Variants in GPC6 observed in about 807,000 individuals in gnomAD.
The protein encoded by GPC6 is glypican 6.
GPC6 carries 14 observed loss-of-function variants against 55.2 expected under a neutral mutation model. The ratio of observed to expected loss-of-function variants is 0.25; its 90% CI spans 0.17 to 0.40. GPC6 has a LOEUF of 0.40. Ranked by LOEUF, GPC6 falls within the 10% of genes least tolerant of loss-of-function variation. The pLI, the probability that GPC6 is intolerant of heterozygous loss-of-function variation, is 1.00. For missense variants in GPC6, 641 were observed against 708.5 expected, an observed-to-expected ratio of 0.90 and a Z score of 1.08; for synonymous variants, 278 against 259.6, an observed-to-expected ratio of 1.07 and a Z score of -0.68.
intron 6 of GPC6, among the ~76,000 whole-genome samples, chr13:94,356,316 G>A (rs1223172079): frequency 6.6e-6 from 1 of 152,224 alleles, no homozygotes; most frequent in Non-Finnish European, 1.5e-5. Flanking sequence ...CCAGTAATGG[G>A]ATTGCTGAGT....
At chr13:93,802,391 C>T (rs1366075098) in intron 2 of GPC6, among the ~76,000 whole-genome samples, 3 of 146,064 alleles carry the variant, frequency 2.1e-5, no homozygotes, top group African/African-American at 7.9e-5. Context: ...ATAAAGCACA[C>T]ACAAAAAAAG....
intron 2 of GPC6, among the ~76,000 whole-genome samples, chr13:93,709,425 A>T (rs1882976264): frequency 1.3e-5 from 2 of 151,730 alleles, no homozygotes; most frequent in African/African-American, 4.8e-5. Context: ...TTGCTTTTAA[A>T]GTAGAATTAG....
At chr13:94,364,367 A>ATCT (rs1879198445) in intron 6 of GPC6, among the ~76,000 whole-genome samples, 1 of 152,136 alleles carries the variant, frequency 6.6e-6, no homozygotes, top group Non-Finnish European at 1.5e-5. Flanking sequence ...GGTAAATTGG[A>ATCT]TCTTTAAGGT....
At chr13:94,121,052 A>G (rs1322780064) in intron 4 of GPC6, among the ~76,000 whole-genome samples, 1 of 152,134 alleles carries the variant, frequency 6.6e-6, no homozygotes, top group Non-Finnish European at 1.5e-5. Context: ...AAACACCCAA[A>G]GGAAATGAGG....
rs935167179 is a variant in GPC6 at position 93,669,981 on chromosome 13, G to T, written c.319+124560G>T. Among the ~76,000 whole-genome samples the T allele has an allele frequency of 1.6e-4, 25 of 152,120 alleles. 1 individual carries two copies. Among genetic ancestry groups the T allele is most frequent in the Non-Finnish European group, 4.4e-5 (3 of 68,020 alleles). The stretch of plus-strand genomic sequence containing the variant: ...TTAATTTCAAGGAGGAAGGGTTGTG[G>T]TTACCTGATTTGTTGTTATCAGCTT... On this transcript the variant is annotated intron_variant, in intron 2 of 8. Transcript: ENST00000377047.
chr13:93,556,372 TAGTGTGTGTGTG>T (rs1245581834), intron 2 of GPC6, among the ~76,000 whole-genome samples: 37 of 38,834 alleles, frequency 9.5e-4, no homozygotes, highest in African/African-American at 6.1e-3. Context: ...TGTGGGTAAA[TAGTGTGTGTGTG>T]TGTGTGTGTG....
At chr13:94,067,801 G>A (rs1884583671) in intron 4 of GPC6, among the ~76,000 whole-genome samples, 1 of 152,190 alleles carries the variant, frequency 6.6e-6, no homozygotes, top group African/African-American at 2.4e-5. Context: ...CACCTTAGTG[G>A]TCAAATGGAT....
intron 3 of GPC6, among the ~76,000 whole-genome samples, chr13:94,017,684 G>A (rs1882522011): frequency 6.6e-6 from 1 of 151,718 alleles, no homozygotes; most frequent in Admixed American, 6.6e-5. Context: ...TGTTCTTGTT[G>A]TTTTTATTTT....
At chr13:93,278,010 T>C (rs1263477303) in intron 1 of GPC6, among the ~76,000 whole-genome samples, 2 of 152,192 alleles carry the variant, frequency 1.3e-5, no homozygotes, top group African/African-American at 4.8e-5. Context: ...TTACTATAGT[T>C]CCTGGAAAGA....
At chr13:94,144,036 TG>T (rs1887472314) in intron 4 of GPC6, among the ~76,000 whole-genome samples, 1 of 152,238 alleles carries the variant, frequency 6.6e-6, no homozygotes, top group African/African-American at 2.4e-5. Flanking sequence ...CGTTTGATTT[TG>T]TCCTAATGGT....
At chr13:93,409,130 T>G (rs1876401106) in intron 1 of GPC6, among the ~76,000 whole-genome samples, 1 of 151,494 alleles carries the variant, frequency 6.6e-6, no homozygotes, top group African/African-American at 2.4e-5. Context: ...AGCTGCTTAT[T>G]TATACATCCA....
At chr13:93,683,328 A>G (rs1881926550) in intron 2 of GPC6, among the ~76,000 whole-genome samples, 1 of 151,992 alleles carries the variant, frequency 6.6e-6, no homozygotes, top group Admixed American at 6.6e-5. Flanking sequence ...TTCAAAATTA[A>G]TCTTGTCAAA....
chr13:93,638,733 C>T (rs527592193), intron 2 of GPC6, among the ~76,000 whole-genome samples: 16 of 152,024 alleles, frequency 1.1e-4, no homozygotes, highest in South Asian at 2.1e-4. Flanking sequence ...TATACAAAAA[C>T]GAATAATCAC....
intron 1 of GPC6, among the ~76,000 whole-genome samples, chr13:93,316,090 T>A (rs1335223183): frequency 2.6e-5 from 4 of 152,042 alleles, no homozygotes; most frequent in Non-Finnish European, 5.9e-5. Flanking sequence ...TATAACCAGG[T>A]TTATCTTCTT....
At chr13:93,988,376 T>C (rs1420341875) in intron 3 of GPC6, among the ~76,000 whole-genome samples, 1 of 152,124 alleles carries the variant, frequency 6.6e-6, no homozygotes, top group Non-Finnish European at 1.5e-5. Flanking sequence ...TAATGAAAAA[T>C]GGCACTTCTG....
In GPC6 at chr13:93,884,917, T is replaced by C. The variant is rs190824710; in HGVS notation, c.711+54372T>C. 2.0e-5 allele frequency among the ~76,000 whole-genome samples: 3 copies of C among 152,250 alleles called. No homozygotes were observed. In the East Asian group the frequency reaches 5.8e-4, roughly 29 times the overall value. On this transcript the variant is annotated intron_variant, in intron 3 of 8. Coordinates refer to ENST00000377047, the MANE Select transcript of GPC6 (RefSeq NM_005708.5). ...AGTGAAAAATTCTAGAATATTTTGC[T>C]GCTTTCCATACCTTATCACTCATGC...
At chr13:93,543,221 T>G (rs574661956) in intron 1 of GPC6, among the ~76,000 whole-genome samples, 1 of 152,012 alleles carries the variant, frequency 6.6e-6, no homozygotes, top group Non-Finnish European at 1.5e-5. Context: ...TTATTGAGAG[T>G]TTTTAGCATG....
chr13:93,312,399 C>G (rs1879103007), intron 1 of GPC6, among the ~76,000 whole-genome samples: 1 of 152,078 alleles, frequency 6.6e-6, no homozygotes, highest in Non-Finnish European at 1.5e-5. Flanking sequence ...CTATTGCTTG[C>G]TATTTTGAGT....
chr13:94,166,063 C>A (rs895686028), intron 4 of GPC6, among the ~76,000 whole-genome samples: 1 of 152,092 alleles, frequency 6.6e-6, no homozygotes, highest in Non-Finnish European at 1.5e-5. Flanking sequence ...ACGTTGTACT[C>A]TATGATCTAT....
Sources: gnomAD v4.1 joint callset for allele counts (sites outside exome capture counted in the v4.1 genomes callset) on GRCh38, gnomAD v4.1.1 for gene constraint, MANE v1.5 for transcripts, NCBI Gene and HGNC (gene_info 2026-07-23, HGNC 2026-07-21) for gene names.